Variants in ZNF609 observed in about 807,000 individuals in gnomAD.
The protein encoded by ZNF609 is zinc finger protein 609.
ZNF609 carries 11 observed loss-of-function variants against 109.5 expected under a neutral mutation model. The ratio of observed to expected loss-of-function variants is 0.10; its 90% CI spans 0.06 to 0.17. The LOEUF (loss-of-function observed/expected upper bound fraction) is 0.17, where lower values mean the gene tolerates loss of function less well. Ranked by LOEUF, ZNF609 falls within the 10% of genes least tolerant of loss-of-function variation. The pLI, the probability that ZNF609 is intolerant of heterozygous loss-of-function variation, is 1.00. For synonymous variants in ZNF609, 646 were observed against 662.0 expected, an observed-to-expected ratio of 0.98 and a Z score of 0.37; for missense variants, 1,559 against 1,772.4, an observed-to-expected ratio of 0.88 and a Z score of 2.16.
At chr15:64,580,902 T>C (rs1335800647) in intron 2 of ZNF609, among the ~76,000 whole-genome samples, 5 of 151,294 alleles carry the variant, frequency 3.3e-5, no homozygotes, top group Admixed American at 3.3e-4. Flanking sequence ...TTGCTGGATA[T>C]AGAATTAAAT....
chr15:64,582,723 CTTTTTTT>C (rs538806936), intron 2 of ZNF609, among the ~76,000 whole-genome samples: 2 of 88,814 alleles, frequency 2.3e-5, no homozygotes, highest in African/African-American at 4.5e-5. Context: ...TTTCTTTTTT[CTTTTTTT>C]TTTTTTTTGA....
At chr15:64,606,671 A>G (rs915361005) in intron 2 of ZNF609, among the ~76,000 whole-genome samples, 1 of 152,092 alleles carries the variant, frequency 6.6e-6, no homozygotes, top group Non-Finnish European at 1.5e-5. Context: ...TTGGCCTACC[A>G]AAGAGCTGGG....
intron 2 of ZNF609, among the ~76,000 whole-genome samples, chr15:64,607,924 A>T (rs1329011205): frequency 9.1e-6 from 1 of 109,382 alleles, no homozygotes; most frequent in African/African-American, 3.9e-5. Context: ...TTTGAGACAG[A>T]GTCTCACTCT....
intron 2 of ZNF609, among the ~76,000 whole-genome samples, chr15:64,580,963 T>TTTTTC: frequency 7.1e-6 from 1 of 140,438 alleles, no homozygotes; most frequent in African/African-American, 2.6e-5. Context: ...TTCTTTTTTT[T>TTTTTC]TTTTTTTTTT....
chr15:64,473,267 C>T (rs181783467), intron 1 of ZNF609, among the ~76,000 whole-genome samples: 5 of 136,486 alleles, frequency 3.7e-5, no homozygotes, highest in East Asian at 2.2e-4. Context: ...GGTGTGGTCT[C>T]GGCTCACTGC....
chr15:64,526,712 A>G (rs1315357413), intron 2 of ZNF609, among the ~76,000 whole-genome samples: 1 of 152,044 alleles, frequency 6.6e-6, no homozygotes, highest in African/African-American at 2.4e-5. Context: ...ATCACAGCCC[A>G]CTGCATCCTT....
chr15:64,584,849 G>A (rs1049738819), intron 2 of ZNF609, among the ~76,000 whole-genome samples: 3 of 148,146 alleles, frequency 2.0e-5, no homozygotes, highest in African/African-American at 7.5e-5. Context: ...GGATGGTCTC[G>A]ATCTCTTGAC....
intron 1 of ZNF609, among the ~76,000 whole-genome samples, chr15:64,486,956 C>G (rs955052742): frequency 6.6e-6 from 1 of 152,050 alleles, no homozygotes; most frequent in African/African-American, 2.4e-5. Context: ...CTCTTCGTAT[C>G]GAATCATCCC....
chr15:64,654,961 T>C (rs1228573325), intron 3 of ZNF609, among the ~76,000 whole-genome samples: 1 of 151,820 alleles, frequency 6.6e-6, no homozygotes, highest in Non-Finnish European at 1.5e-5. Flanking sequence ...CTGAGCGTGG[T>C]GATGGGCGCC....
intron 2 of ZNF609, among the ~76,000 whole-genome samples, chr15:64,517,014 T>G (rs1228796165): frequency 1.3e-5 from 2 of 152,222 alleles, no homozygotes; most frequent in African/African-American, 2.4e-5. Context: ...AATGTTTGTC[T>G]GGCTCTTCCT....
At chr15:64,628,470 A>T (rs1459247062) in intron 3 of ZNF609, among the ~76,000 whole-genome samples, 1 of 151,840 alleles carries the variant, frequency 6.6e-6, no homozygotes, top group African/African-American at 2.4e-5. Context: ...CAGCCTGGCC[A>T]ATATGGTGAA....
chr15:64,557,708 T>G (rs1894611873), intron 2 of ZNF609, among the ~76,000 whole-genome samples: 1 of 152,178 alleles, frequency 6.6e-6, no homozygotes, highest in Admixed American at 6.5e-5. Context: ...ATTTTCTGGT[T>G]TTTTTTGGGA....
chr15:64,463,840 CTG>C (rs1892975879), intron 1 of ZNF609, among the ~76,000 whole-genome samples: 1 of 152,244 alleles, frequency 6.6e-6, no homozygotes, highest in Non-Finnish European at 1.5e-5. Flanking sequence ...CTCAGCTAAA[CTG>C]AGTCCAAAGC....
chr15:64,533,782 A>C (rs926646363), intron 2 of ZNF609, among the ~76,000 whole-genome samples: 2 of 152,164 alleles, frequency 1.3e-5, no homozygotes, highest in Non-Finnish European at 2.9e-5. Context: ...TCCCTTGTAC[A>C]TTTTACCCAA....
Position 64,674,006 on chromosome 15 carries a change from T to C in ZNF609, c.1152T>C (p.Asn384=). 1 of 1,614,084 alleles carries C rather than the reference T, an allele frequency of 6.2e-7. No individual in the cohort carries two copies. Among genetic ancestry groups the C allele is most frequent in the Non-Finnish European group, 8.5e-7 (1 of 1,180,024 alleles). Residue 384 remains asparagine (N), a synonymous_variant, in exon 5 of 10, where the codon AAT becomes AAC. Transcript: ENST00000326648. Reference sequence around the variant, plus strand: ...GTCCCAACAGTAATACACCTGTCAATGAGACAGCCACAGCCTCTGACAGCA... The same window carrying C: ...GTCCCAACAGTAATACACCTGTCAACGAGACAGCCACAGCCTCTGACAGCA... ...RMRPNSNTPV[N]ETATASDSKG...
At chr15:64,572,375 C>T (rs1223674699) in intron 2 of ZNF609, among the ~76,000 whole-genome samples, 3 of 152,092 alleles carry the variant, frequency 2.0e-5, no homozygotes, top group African/African-American at 4.8e-5. Context: ...TGCCTGTAGT[C>T]CCAGGTACTT....
chr15:64,646,588 C>T (rs370449901), intron 3 of ZNF609, among the ~76,000 whole-genome samples: 2 of 136,682 alleles, frequency 1.5e-5, no homozygotes, highest in Non-Finnish European at 3.1e-5. Context: ...GAGCCAAGAT[C>T]GTGCCACTGC....
chr15:64,547,446 G>A (rs558320085), intron 2 of ZNF609, among the ~76,000 whole-genome samples: 1 of 152,180 alleles, frequency 6.6e-6, no homozygotes, highest in Non-Finnish European at 1.5e-5. Flanking sequence ...GAATACAGTT[G>A]CAATAATAAT....
intron 1 of ZNF609, among the ~76,000 whole-genome samples, chr15:64,464,201 G>A (rs1365792917): frequency 3.3e-5 from 5 of 152,166 alleles, no homozygotes; most frequent in Non-Finnish European, 7.4e-5. Flanking sequence ...ACTGGAACAC[G>A]ATAATTTGTT....
Sources: gnomAD v4.1 joint callset for allele counts (sites outside exome capture counted in the v4.1 genomes callset) on GRCh38, gnomAD v4.1.1 for gene constraint, MANE v1.5 for transcripts, NCBI Gene and HGNC (gene_info 2026-07-23, HGNC 2026-07-21) for gene names.